Variants in MTHFD1L observed in about 807,000 individuals in gnomAD.
MTHFD1L encodes methylenetetrahydrofolate dehydrogenase (NADP+ dependent) 1 like.
A neutral mutation model predicts 119.5 loss-of-function variants in MTHFD1L; 81 were observed. The observed-to-expected ratio is 0.68, with a 90% CI of 0.57 to 0.82. The LOEUF is 0.82. MTHFD1L is among the 40% of genes least tolerant of loss of function. MTHFD1L has a pLI of 0.00. For missense variants in MTHFD1L, 1,125 were observed against 1,253.4 expected (o/e 0.90, Z 1.55); for synonymous variants, 430 against 475.2 (o/e 0.90, Z 1.24).
chr6:150,877,883 G>C, intron 4 of MTHFD1L, 57 bp downstream of exon 4: 2 of 1,593,440 alleles, frequency 1.3e-6, no homozygotes, highest in Non-Finnish European at 1.7e-6. Context: ...GACTTAATAG[G>C]CCCATTGGCG....
At chr6:150,943,638 G>T (rs564309282) in intron 13 of MTHFD1L, among the ~76,000 whole-genome samples, 1 of 152,188 alleles carries the variant, frequency 6.6e-6, no homozygotes, top group East Asian at 1.9e-4. Context: ...TGGTAGTAGC[G>T]TATATATCCA....
chr6:150,944,389 A>G (rs1793613764), intron 13 of MTHFD1L, 97 bp from the exon 14 acceptor site: 4 of 838,664 alleles, frequency 4.8e-6, no homozygotes, highest in African/African-American at 3.4e-5. Flanking sequence ...TTGAGAATAC[A>G]GTGAGCTATG....
At chr6:150,990,592 C>CG (rs1485430607) in intron 20 of MTHFD1L, among the ~76,000 whole-genome samples, 1 of 151,450 alleles carries the variant, frequency 6.6e-6, no homozygotes, top group Non-Finnish European at 1.5e-5. Flanking sequence ...CCCGAGTAGC[C>CG]GGGATTACAG....
chr6:151,007,563 G>A (rs1031868910), intron 20 of MTHFD1L, among the ~76,000 whole-genome samples: 1 of 152,160 alleles, frequency 6.6e-6, no homozygotes, highest in Non-Finnish European at 1.5e-5. Context: ...ACTTGCCAAG[G>A]TGCACAGCTG....
chr6:150,932,816 GAGGAAGGAAGGA>G (rs60832992), intron 11 of MTHFD1L, among the ~76,000 whole-genome samples: 9 of 119,484 alleles, frequency 7.5e-5, no homozygotes, highest in Non-Finnish European at 1.5e-4. Flanking sequence ...GAGAGGGAGG[GAGGAAGGAAGGA>G]AGGAAGGAAG....
chr6:150,978,249 G>T (rs1776922765), intron 20 of MTHFD1L, among the ~76,000 whole-genome samples: 1 of 151,958 alleles, frequency 6.6e-6, no homozygotes, highest in Admixed American at 6.6e-5. Flanking sequence ...ATTCTCACAG[G>T]GGACCATGAC....
At chr6:151,027,689 T>C (rs1784781659) in intron 24 of MTHFD1L, among the ~76,000 whole-genome samples, 1 of 150,654 alleles carries the variant, frequency 6.6e-6, no homozygotes, top group Admixed American at 6.6e-5. Flanking sequence ...AGATTAACCA[T>C]AGGAAGTTCC....
chr6:150,881,877 A>C (rs572279478), intron 4 of MTHFD1L, among the ~76,000 whole-genome samples: 2 of 152,338 alleles, frequency 1.3e-5, no homozygotes, highest in Non-Finnish European at 2.9e-5. Context: ...TTTGTACCTC[A>C]AATGGTTTCC....
chr6:151,048,348 G>A (rs113570514), intron 26 of MTHFD1L, among the ~76,000 whole-genome samples: 4,163 of 152,094 alleles, frequency 0.027, 82 homozygotes, highest in Middle Eastern at 0.044. Context: ...TTACCAAGTC[G>A]CCTCACCCAC....
In MTHFD1L at chr6:150,877,643, G is replaced by A. The variant is rs116360932; in HGVS notation, c.322G>A (p.Asp108Asn). ...PVLAIIQAGD[D>N]NLMQEINQNL... ...TTTTTACCTTCCTAAGGCAGGTGAC[G>A]ACAACTTGATGCAGGAAATCAACCA... Residue 108 changes from aspartate to asparagine, a missense_variant, in exon 3 of 28, where the codon GAC (aspartate) becomes AAC (asparagine). Around this residue, in one of 3 missense-constraint regions of MTHFD1L, gnomAD observed 1,058 missense variants for 1,151.2 expected, o/e 0.92. Transcript: ENST00000367321. The A allele has an allele frequency of 3.8e-4, 618 of 1,614,104 alleles. 2 individuals are homozygous for A. The African/African-American group carries it at 5.1e-3, about 13-fold the overall frequency.
rs114395200 is a variant in MTHFD1L, at chr6:151,045,112, G to A, written c.2847+7995G>A. On this transcript the variant is annotated intron_variant, in intron 26 of 27. Coordinates refer to ENST00000367321, the MANE Select transcript of MTHFD1L (RefSeq NM_015440.5). ...GTACCGGCCCTACTTAGGGATGCAC[G>A]GTTGGTTATACGCTTGCTTCACTCG... 7.7e-3 allele frequency among the ~76,000 whole-genome samples: 1,169 copies of A among 152,278 alleles called. 18 individuals are homozygous for A. Among genetic ancestry groups the A allele is most frequent in the African/African-American group, 0.027 (1,104 of 41,542 alleles).
At chr6:150,904,374 G>T (rs1785545494) in intron 7 of MTHFD1L, among the ~76,000 whole-genome samples, 1 of 152,118 alleles carries the variant, frequency 6.6e-6, no homozygotes, top group African/African-American at 2.4e-5. Context: ...GAGACCATCA[G>T]TCGCCCTCTT....
intron 21 of MTHFD1L, among the ~76,000 whole-genome samples, chr6:151,010,687 C>T (rs537666189): frequency 1.3e-5 from 2 of 151,966 alleles, no homozygotes; most frequent in East Asian, 3.9e-4. Context: ...TTGTTGTTTG[C>T]TTGTTTGTTG....
At chr6:150,977,174 T>C (rs1285435834) in intron 20 of MTHFD1L, among the ~76,000 whole-genome samples, 1 of 152,146 alleles carries the variant, frequency 6.6e-6, no homozygotes, top group Non-Finnish European at 1.5e-5. Flanking sequence ...TTAGTTAAGG[T>C]TCTTAACTAA....
chr6:150,885,553 G>T lies in MTHFD1L; in HGVS notation c.543-81G>T, dbSNP rs912276547. On this transcript the variant is annotated intron_variant, in intron 5 of 27. Coordinates refer to ENST00000367321, the MANE Select transcript of MTHFD1L (RefSeq NM_015440.5). ...CAAACATTGACTTGGATGTTATTTG[G>T]GGTTAATATATGTACATTACACGTG... 7 of 934,114 alleles carry T rather than the reference G, an allele frequency of 7.5e-6. No homozygotes were observed. The African/African-American group carries it at 8.2e-5, about 11-fold the overall frequency. 57.9% of individuals were successfully genotyped at this position (934,114 alleles called of 1,614,324 possible). A position where few individuals can be genotyped will look rare whatever the true frequency, so the allele number is the denominator to read the frequency against.
intron 26 of MTHFD1L, among the ~76,000 whole-genome samples, chr6:151,073,005 C>G (rs1012360255): frequency 6.6e-6 from 1 of 151,952 alleles, no homozygotes; most frequent in African/African-American, 2.4e-5. Context: ...AAACAGTGGC[C>G]CCTGAGAAAT....
intron 26 of MTHFD1L, among the ~76,000 whole-genome samples, chr6:151,047,984 G>C (rs1403957205): frequency 1.3e-5 from 2 of 152,160 alleles, no homozygotes; most frequent in African/African-American, 4.8e-5. Context: ...CGGCAGGAAA[G>C]AGAGAGAGTG....
chr6:151,088,710 G>A (rs901666848), intron 26 of MTHFD1L, among the ~76,000 whole-genome samples: 4 of 150,112 alleles, frequency 2.7e-5, no homozygotes, highest in African/African-American at 4.9e-5. Flanking sequence ...GCCCGCCTCG[G>A]CCTCCCAAAA....
At chr6:150,867,066 C>T (rs1182083670) in intron 1 of MTHFD1L, among the ~76,000 whole-genome samples, 1 of 152,208 alleles carries the variant, frequency 6.6e-6, no homozygotes, top group Non-Finnish European at 1.5e-5. Context: ...GCCTTTCCTT[C>T]CTCCCTCTGC....
Sources: allele counts gnomAD v4.1 joint callset (sites outside exome capture counted in the v4.1 genomes callset), GRCh38; gene constraint gnomAD v4.1.1; regional missense constraint gnomAD v4.1.1; transcripts MANE v1.5; gene names NCBI Gene and HGNC (gene_info 2026-07-23, HGNC 2026-07-21).